Variants in CATSPER1 observed in about 807,000 individuals in gnomAD.
The protein encoded by CATSPER1 is cation channel sperm associated 1.
A neutral mutation model predicts 72.7 loss-of-function variants in CATSPER1; 57 were observed. The observed-to-expected ratio is 0.78, with a 90% CI of 0.63 to 0.98. CATSPER1 has a LOEUF of 0.98. Among genes scored for constraint, CATSPER1 ranks in the 50% least tolerant of loss-of-function variants. The pLI, the probability that CATSPER1 is intolerant of heterozygous loss-of-function variation, is 0.00. For synonymous variants in CATSPER1, 363 were observed against 403.0 expected (o/e 0.90, Z 1.19); for missense variants, 910 against 1,033.9 (o/e 0.88, Z 1.64).
chr11:66,025,080 G>A lies in CATSPER1; in HGVS notation c.1216+84C>T, dbSNP rs189809046. ...AGGAGGGTCGGGCCTTACGATCTGC[G>A]GAAGGACAGTGCGGGGCCGAGATCA... is the stretch of plus-strand genomic sequence containing the variant. On this transcript the variant is annotated intron_variant, in intron 1 of 11. Transcript: ENST00000312106. The A allele has an allele frequency of 2.8e-4, 446 of 1,568,414 alleles. 3 individuals carry two copies. The East Asian group carries it at 6.5e-3, about 23-fold the overall frequency.
rs1461645568 is a variant in CATSPER1, at chr11:66,020,139, C to A, written c.2125+1G>T. 1 of 1,613,002 alleles carries A rather than the reference C, an allele frequency of 6.2e-7. No individual in the cohort carries two copies. Among genetic ancestry groups the A allele is most frequent in the African/African-American group, 1.3e-5 (1 of 74,910 alleles). On this transcript the variant is annotated splice_donor_variant, in intron 9 of 11. Transcript: ENST00000312106. LOFTEE classifies it high-confidence loss of function. The surrounding 1 kb of genome is among the most constrained non-coding windows in gnomAD (Gnocchi z 4.5). The stretch of plus-strand genomic sequence containing the variant: ...GGGGCCAGGGCGGGCCAGGCCCATA[C>A]CTGCAGCTCTGAGCTCCGTCAGTGA...
chr11:66,021,469 C>T, intron 4 of CATSPER1, 27 bp downstream of exon 4: 1 of 1,610,752 alleles, frequency 6.2e-7, no homozygotes, highest in Non-Finnish European at 8.5e-7. Flanking sequence ...GGAGTCCCCA[C>T]CCCAGGTGGG....
Position 66,022,964 on chromosome 11 carries a change from T to C in CATSPER1, c.1314A>G (p.Glu438=), listed in dbSNP as rs2134994817. The C allele has an allele frequency of 6.2e-7, 1 of 1,614,196 alleles. No homozygotes were observed. The highest frequency in any genetic ancestry group is 8.5e-7 in the Non-Finnish European group (1 of 1,180,016). The change falls in exon 2 of 12, where the codon GAA becomes GAG. Residue 438 remains glutamate, a synonymous_variant. Coordinates refer to ENST00000312106, the MANE Select transcript of CATSPER1 (RefSeq NM_053054.4). ...AGGATTGGGTCAGGTTCCGGATCAT[T>C]TCCCGGAAGCCCTGAATGAGGAAGG... The part of the protein sequence containing the change: ...KLTFLIQGFR[E]MIRNLTQSLA...
At position 66,021,598 on chromosome 11, in the gene CATSPER1, T is replaced by C; in HGVS notation, c.1589A>G (p.Gln530Arg). The change falls in exon 4 of 12, where the codon CAG (glutamine) becomes CGG (arginine). Residue 530 changes from glutamine to arginine, a missense_variant. By Grantham distance (43) the Gln-to-Arg change is conservative. Coordinates refer to ENST00000312106, the MANE Select transcript of CATSPER1 (RefSeq NM_053054.4). ...GTGGTAGATGGCGAAGGAGTGGGTC[T>C]GCATCAGCAAGAAGTCCAGCACGGC... ...AMAVLDFLLM[Q>R]THSFAIYHQS... 6.2e-7 allele frequency: 1 copy of C among 1,611,756 alleles called. No homozygotes were observed. The highest frequency in any genetic ancestry group is 8.5e-7 in the Non-Finnish European group (1 of 1,178,960).
At chr11:66,024,950 C>T (rs1189332610) in intron 1 of CATSPER1, among the ~76,000 whole-genome samples, 1 of 152,150 alleles carries the variant, frequency 6.6e-6, no homozygotes, top group East Asian at 1.9e-4. Flanking sequence ...AAGGCAGTGA[C>T]TGAATGAACA....
At position 66,017,193 on chromosome 11, in the gene CATSPER1, G is replaced by GGC; in HGVS notation, c.2202-20_2202-19insGC. On this transcript the variant is annotated intron_variant, in intron 10 of 11. Transcript: ENST00000312106. Reference sequence around the variant, plus strand: ...CTGCTGCCTGCGGGTGGGCGGGGGGGTCGCAGAGACAGGGGCTGGGCTGAC... The same window carrying GGC: ...CTGCTGCCTGCGGGTGGGCGGGGGGGGCTCGCAGAGACAGGGGCTGGGCTGAC... 12 of 493,762 alleles carry GGC rather than the reference G, an allele frequency of 2.4e-5. No homozygotes were observed. The highest frequency in any genetic ancestry group is 5.5e-5 in the East Asian group (1 of 18,084). The allele number at this position is 493,762 out of a possible 1,614,324, so 30.6% of individuals were successfully genotyped here.
At chr11:66,024,271 G>GTTTTTTTT (rs796751086) in intron 1 of CATSPER1, among the ~76,000 whole-genome samples, 1 of 110,604 alleles carries the variant, frequency 9.0e-6, no homozygotes, top group Non-Finnish European at 1.8e-5. Context: ...CAGCCTATTT[G>GTTTTTTTT]TTTTTTTTTT....
chr11:66,020,903 C>A lies in CATSPER1; in HGVS notation c.1835G>T (p.Arg612Leu). The change falls in exon 6 of 12, where the codon CGC becomes CTC. Residue 612 changes from arginine (R) to leucine (L), a missense_variant. Physicochemically the swap from Arg to Leu is moderately radical, Grantham distance 102. Transcript: ENST00000312106. The surrounding 1 kb of genome is among the most constrained non-coding windows in gnomAD (Gnocchi z 4.5). ...RALFRKSDPK[R>L]FQNIFTTIFT... ...GATGGTGGTGAAGATGTTCTGGAAG[C>A]GCTTGGGGTCAGATTTGCGGAACAG... 6.2e-7 allele frequency: 1 copy of A among 1,614,046 alleles called. No homozygotes were observed. The highest frequency in any genetic ancestry group is 8.5e-7 in the Non-Finnish European group (1 of 1,180,030).
chr11:66,020,950 G>C lies in CATSPER1; in HGVS notation c.1788C>G (p.Leu596=). Residue 596 remains leucine (L), a synonymous_variant, in exon 6 of 12, where the codon CTC becomes CTG. Transcript: ENST00000312106. This position sits in a 1 kb window ranked among gnomAD's most constrained non-coding sequence, Gnocchi z 4.5. ...ILILMFTCLF[L]FSAVLRALFR... ...ACAGTGCCCGGAGGACCGCGGAGAA[G>C]AGGACTGGCTGTTCAGGGCCAAACT... is the stretch of plus-strand genomic sequence containing the variant. 1 of 1,613,938 alleles carries C rather than the reference G, an allele frequency of 6.2e-7. No individual in the cohort carries two copies. The highest frequency in any genetic ancestry group is 8.5e-7 in the Non-Finnish European group (1 of 1,180,014).
intron 10 of CATSPER1, among the ~76,000 whole-genome samples, chr11:66,017,751 G>C (rs187283453): frequency 6.6e-6 from 1 of 152,346 alleles, no homozygotes; most frequent in East Asian, 1.9e-4. Flanking sequence ...AGGAGATGGA[G>C]ATGAATGAGA....
rs757076081 is a variant in CATSPER1 at position 66,021,655 on chromosome 11, G to A, written c.1544-12C>T. 3 of 1,606,910 alleles carry A rather than the reference G, an allele frequency of 1.9e-6. No individual in the cohort carries two copies. The South Asian group carries it at 3.3e-5, about 18-fold the overall frequency. On this transcript the variant is annotated splice_polypyrimidine_tract_variant and intron_variant, in intron 3 of 11. Transcript: ENST00000312106. Reference sequence around the variant, plus strand: ...CATAATGAAGAAGTCTGAGGGCACGGGGTGCCTGAGCCTGGCGGGCTCCCA... The same window carrying A: ...CATAATGAAGAAGTCTGAGGGCACGAGGTGCCTGAGCCTGGCGGGCTCCCA...
At chr11:66,021,407 G>T in intron 4 of CATSPER1, 89 bp downstream of exon 4, 1 of 1,514,938 alleles carries the variant, frequency 6.6e-7, no homozygotes, top group Non-Finnish European at 9.0e-7. Context: ...CATCCCTTGA[G>T]CAGGTCACAG....
intron 2 of CATSPER1, 27 bp downstream of exon 2, chr11:66,022,822 A>G (rs781661586): frequency 1.9e-6 from 3 of 1,612,542 alleles, no homozygotes; most frequent in Non-Finnish European, 2.5e-6. Context: ...TGGCTTCTCC[A>G]TGGGAACAGG....
In CATSPER1 at chr11:66,017,173, G is replaced by C; in HGVS notation, c.2203C>G (p.Gln735Glu). The part of the protein sequence containing the change: ...EKKFGTMTEK[Q>E]QELLFHYLQL... ...AGGTAATGGAACAGGAGCTCCTGCT[G>C]CCTGCGGGTGGGCGGGGGGGTCGCA... is the stretch of plus-strand genomic sequence containing the variant. The change falls in exon 11 of 12, where the codon CAG (glutamine) becomes GAG (glutamate). Residue 735 changes from glutamine to glutamate, a missense_variant and splice_region_variant. By Grantham distance (29) the Gln-to-Glu change is conservative. Transcript: ENST00000312106. 1 of 1,537,640 alleles carries C rather than the reference G, an allele frequency of 6.5e-7. No homozygotes were observed. Among genetic ancestry groups the C allele is most frequent in the Non-Finnish European group, 8.9e-7 (1 of 1,128,054 alleles).
At chr11:66,021,441 T>G in intron 4 of CATSPER1, 55 bp downstream of exon 4, 1 of 1,598,272 alleles carries the variant, frequency 6.3e-7, no homozygotes. Context: ...GGCCCTGGTC[T>G]GTGTCCCCTC....
At chr11:66,021,350 A>C in intron 4 of CATSPER1, 146 bp downstream of exon 4, 1 of 1,239,744 alleles carries the variant, frequency 8.1e-7, no homozygotes, top group East Asian at 2.5e-5. Context: ...ATTCCAGTGC[A>C]TGACAGAAGG....
chr11:66,025,306 GC>G lies in CATSPER1; in HGVS notation c.1073del (p.Gly358AlafsTer6). On this transcript the variant is annotated frameshift_variant, in exon 1 of 12. Transcript: ENST00000312106. LOFTEE classifies it high-confidence loss of function. ...VFPYHVAHPR[G>X]SAHSMTRSSS... The stretch of plus-strand genomic sequence containing the variant: ...AGGACCGAGTCATGCTGTGAGCCGA[GC>G]CCCGTGGGTGTGCTACGTGATAGGG... 1 of 1,614,190 alleles carries G rather than the reference GC, an allele frequency of 6.2e-7. No individual in the cohort carries two copies. The highest frequency in any genetic ancestry group is 1.1e-5 in the South Asian group (1 of 91,080).
chr11:66,017,193 G>GGGGGGGGGGGGGGCGCC lies in CATSPER1; in HGVS notation c.2202-20_2202-19insGGCGCCCCCCCCCCCCC. On this transcript the variant is annotated intron_variant, in intron 10 of 11. Transcript: ENST00000312106. ...CTGCTGCCTGCGGGTGGGCGGGGGG[G>GGGGGGGGGGGGGGCGCC]TCGCAGAGACAGGGGCTGGGCTGAC... The GGGGGGGGGGGGGGCGCC allele has an allele frequency of 2.0e-6, 1 of 493,812 alleles. No individual in the cohort carries two copies. The allele number at this position is 493,812 out of a possible 1,614,324, so 30.6% of individuals were successfully genotyped here. A position where few individuals can be genotyped will look rare whatever the true frequency, so the allele number is the denominator to read the frequency against.
In CATSPER1 at chr11:66,022,835, T is replaced by C; in HGVS notation, c.1429+14A>G. 1 of 1,613,938 alleles carries C rather than the reference T, an allele frequency of 6.2e-7. No individual in the cohort carries two copies. Among genetic ancestry groups the C allele is most frequent in the East Asian group, 2.2e-5 (1 of 44,880 alleles). Reference sequence around the variant, plus strand: ...GGTGGCTTCTCCATGGGAACAGGACTCCCTGGCTCTTACCGCCCCGGATCT... The same window carrying C: ...GGTGGCTTCTCCATGGGAACAGGACCCCCTGGCTCTTACCGCCCCGGATCT... On this transcript the variant is annotated intron_variant, in intron 2 of 11. Coordinates refer to ENST00000312106, the MANE Select transcript of CATSPER1 (RefSeq NM_053054.4).
Sources: gnomAD v4.1 joint callset for allele counts (sites outside exome capture counted in the v4.1 genomes callset) on GRCh38, gnomAD v4.1.1 for gene constraint, Gnocchi (gnomAD v3.1) non-coding constraint, MANE v1.5 for transcripts, NCBI Gene and HGNC (gene_info 2026-07-23, HGNC 2026-07-21) for gene names.